CLEC7A: variants seen among roughly 807,000 people sequenced by gnomAD.
CLEC7A encodes the protein C-type lectin domain containing 7A.
Under a neutral mutation model 26.9 loss-of-function variants are expected in CLEC7A, and 25 were observed. That is an observed-to-expected ratio of 0.93 (90% CI 0.68 to 1.30). The LOEUF (loss-of-function observed/expected upper bound fraction) is 1.30, where lower values mean the gene tolerates loss of function less well. CLEC7A is among the 50% of genes most tolerant of loss of function. The probability of loss-of-function intolerance (pLI) is 0.00; values close to 1 mark genes in which losing one functional copy is unlikely to be tolerated. For missense variants in CLEC7A, 275 were observed against 286.7 expected (o/e 0.96, Z 0.29); for synonymous variants, 100 against 99.5 (o/e 1.01, Z -0.03).
At chr12:10,124,994 TG>T (rs1238871564) in intron 4 of CLEC7A, 1 of 297,418 alleles carries the variant, frequency 3.4e-6, no homozygotes, top group Non-Finnish European at 6.5e-6. Context: ...CCCAGGATTT[TG>T]AGACCAGCCC....
intron 1 of CLEC7A, among the ~76,000 whole-genome samples, chr12:10,128,246 A>ACC (rs1555083067): frequency 2.7e-5 from 3 of 110,638 alleles, no homozygotes; most frequent in African/African-American, 6.0e-5. Context: ...ACACACACAC[A>ACC]CCACCAACAA....
intron 4 of CLEC7A, among the ~76,000 whole-genome samples, chr12:10,123,619 G>A (rs1417686762): frequency 6.9e-6 from 1 of 144,034 alleles, no homozygotes; most frequent in Non-Finnish European, 1.5e-5. Flanking sequence ...AAATTAGCCG[G>A]GCGCGGTGGC....
rs1591935322 is a variant in CLEC7A at position 10,116,942 on chromosome 12, A to G, written c.*1516T>C. On this transcript the variant is annotated 3_prime_UTR_variant, in exon 6 of 6. Coordinates refer to ENST00000304084, the MANE Select transcript of CLEC7A (RefSeq NM_197947.3). ...AGTAATACAGAAATATCCATTGGAAATAAAAATAGCACCAGTGGGAAAGTA... is the reference window on the plus strand; with the variant it reads ...AGTAATACAGAAATATCCATTGGAAGTAAAAATAGCACCAGTGGGAAAGTA... 1.3e-5 allele frequency: 2 copies of G among 152,216 alleles called. No homozygotes were observed. Among genetic ancestry groups the G allele is most frequent in the East Asian group, 3.8e-4 (2 of 5,198 alleles). 9.4% of individuals were successfully genotyped at this position (152,216 alleles called of 1,614,324 possible). A position where few individuals can be genotyped will look rare whatever the true frequency, so the allele number is the denominator to read the frequency against.
rs552541043 is a variant in CLEC7A, at chr12:10,127,104, G to A, written c.203-396C>T. On this transcript the variant is annotated intron_variant, in intron 2 of 5. Transcript: ENST00000304084. ...CTGCCCAGTACCTATAACATAGAACGCACTCAATAAACATTTGACTAATTA... is the reference window on the plus strand; with the variant it reads ...CTGCCCAGTACCTATAACATAGAACACACTCAATAAACATTTGACTAATTA... The A allele has an allele frequency of 5.4e-5, 70 of 1,287,090 alleles. No homozygotes were observed. The South Asian group carries it at 6.3e-4, about 11-fold the overall frequency. 79.7% of individuals were successfully genotyped at this position (1,287,090 alleles called of 1,614,324 possible).
chr12:10,123,182 T>C, intron 5 of CLEC7A, 63 bp downstream of exon 5: 1 of 1,057,108 alleles, frequency 9.5e-7, no homozygotes, highest in Non-Finnish European at 1.5e-6. Flanking sequence ...ACAGAGGTTT[T>C]CATAGATGAG....
At position 10,116,925 on chromosome 12, in the gene CLEC7A, A is replaced by G. The variant is rs918297228; in HGVS notation, c.*1533T>C. On this transcript the variant is annotated 3_prime_UTR_variant, in exon 6 of 6. Transcript: ENST00000304084. ...ACTGTAAATGCCTCCCTAGTAATAC[A>G]GAAATATCCATTGGAAATAAAAATA... The G allele has an allele frequency of 3.9e-5, 6 of 152,246 alleles. No individual in the cohort carries two copies. The highest frequency in any genetic ancestry group is 8.8e-5 in the Non-Finnish European group (6 of 68,050). The allele number at this position is 152,246 out of a possible 1,614,324, so 9.4% of individuals were successfully genotyped here. A position where few individuals can be genotyped will look rare whatever the true frequency, so the allele number is the denominator to read the frequency against.
At chr12:10,121,205 T>G (rs79522375) in intron 5 of CLEC7A, among the ~76,000 whole-genome samples, 8,632 of 151,342 alleles carry the variant, frequency 0.057, 320 homozygotes, top group South Asian at 0.087. Context: ...CATGTGTAAT[T>G]CCTAGAACAA....
At chr12:10,124,962 C>A in intron 4 of CLEC7A, 1 of 241,742 alleles carries the variant, frequency 4.1e-6, no homozygotes, top group South Asian at 5.4e-5. Context: ...ACTGGGAGAT[C>A]GAGGTAGGCA....
At chr12:10,129,274 C>T (rs1565410938) in intron 1 of CLEC7A, among the ~76,000 whole-genome samples, 1 of 152,126 alleles carries the variant, frequency 6.6e-6, no homozygotes, top group Non-Finnish European at 1.5e-5. Flanking sequence ...ATATATACTT[C>T]TTTAAGTTTC....
At chr12:10,123,869 T>G (rs553766134) in intron 4 of CLEC7A, among the ~76,000 whole-genome samples, 1 of 152,332 alleles carries the variant, frequency 6.6e-6, no homozygotes, top group South Asian at 2.1e-4. Context: ...TCTTATTTAT[T>G]TAAAGTAATT....
chr12:10,123,097 A>G, intron 5 of CLEC7A, 148 bp downstream of exon 5: 2 of 610,294 alleles, frequency 3.3e-6, no homozygotes, highest in East Asian at 2.8e-5. Context: ...GTCCTAGTTC[A>G]CTCTTTCTCT....
At chr12:10,122,424 A>C (rs1201676135) in intron 5 of CLEC7A, among the ~76,000 whole-genome samples, 2 of 151,940 alleles carry the variant, frequency 1.3e-5, no homozygotes, top group East Asian at 3.9e-4. Context: ...CACTGTGCTA[A>C]ATTATTTTAC....
intron 2 of CLEC7A, 176 bp downstream of exon 2, chr12:10,127,571 T>A: frequency 1.0e-6 from 1 of 1,001,580 alleles, no homozygotes; most frequent in South Asian, 1.3e-5. Flanking sequence ...AACCTCTCAG[T>A]CTCTCACACC....
rs1948155656 is a variant in CLEC7A at position 10,123,288 on chromosome 12, C to T, written c.568G>A (p.Val190Ile). The T allele has an allele frequency of 6.2e-7, 1 of 1,613,474 alleles. No individual in the cohort carries two copies. Among genetic ancestry groups the T allele is most frequent in the African/African-American group, 1.3e-5 (1 of 74,998 alleles). ...GATCCATCCTCCCAGAGCCATGGTA[C>T]CTCAGTCTGGGGCCGAGAAAGGCCT... ...WIGLSRPQTE[V>I]PWLWEDGSTF... Residue 190 changes from valine (V) to isoleucine (I), a missense_variant, in exon 5 of 6, where the codon GTA becomes ATA. Val to Ile is a conservative substitution (Grantham distance 29). Transcript: ENST00000304084.
intron 4 of CLEC7A, among the ~76,000 whole-genome samples, chr12:10,124,104 T>G (rs1438764060): frequency 6.6e-6 from 1 of 152,218 alleles, no homozygotes; most frequent in East Asian, 1.9e-4. Flanking sequence ...AACTGTATAT[T>G]TTATGAATAT....
rs115521347 is a variant in CLEC7A at position 10,118,197 on chromosome 12, A to G, written c.*261T>C. On this transcript the variant is annotated 3_prime_UTR_variant, in exon 6 of 6. Coordinates refer to ENST00000304084, the MANE Select transcript of CLEC7A (RefSeq NM_197947.3). ...CCCTATCTCAAAAAAATAAATAAAT[A>G]AAAAATAAAAACTCAAGCTTGGCTG... is the stretch of plus-strand genomic sequence containing the variant. The G allele has an allele frequency of 4.7e-3, 1,696 of 364,042 alleles. 35 individuals are homozygous for G. Among genetic ancestry groups the G allele is most frequent in the African/African-American group, 0.033 (1,548 of 46,636 alleles). The allele number at this position is 364,042 out of a possible 1,614,324, so 22.6% of individuals were successfully genotyped here. A position where few individuals can be genotyped will look rare whatever the true frequency, so the allele number is the denominator to read the frequency against.
At chr12:10,118,991 A>T (rs1157316647) in intron 5 of CLEC7A, among the ~76,000 whole-genome samples, 1 of 152,170 alleles carries the variant, frequency 6.6e-6, no homozygotes, top group Non-Finnish European at 1.5e-5. Context: ...AAGCAGAAGC[A>T]TTAATGCTAA....
chr12:10,127,015 G>A, intron 2 of CLEC7A: 2 of 1,393,630 alleles, frequency 1.4e-6, no homozygotes, highest in Non-Finnish European at 9.4e-7. Flanking sequence ...ACCCATGACA[G>A]ATTTGAAATA....
At chr12:10,120,848 G>A (rs1179261447) in intron 5 of CLEC7A, among the ~76,000 whole-genome samples, 2 of 146,586 alleles carry the variant, frequency 1.4e-5, no homozygotes, top group African/African-American at 2.5e-5. Flanking sequence ...TCCGTCTCCC[G>A]GGTTGAAGCA....
Sources: allele counts gnomAD v4.1 joint callset (sites outside exome capture counted in the v4.1 genomes callset), GRCh38; gene constraint gnomAD v4.1.1; transcripts MANE v1.5; gene names NCBI Gene and HGNC (gene_info 2026-07-23, HGNC 2026-07-21).